Variants in NLRC4 observed in about 807,000 individuals in gnomAD.
NLRC4 encodes the protein NLR family CARD domain containing 4.
Under a neutral mutation model 79.9 loss-of-function variants are expected in NLRC4, and 63 were observed. The ratio of observed to expected loss-of-function variants is 0.79; its 90% confidence interval spans 0.64 to 0.97. The LOEUF is 0.97. NLRC4 is among the 50% of genes least tolerant of loss of function. NLRC4 has a pLI of 0.00. For missense variants in NLRC4, 1,074 were observed against 1,215.2 expected (o/e 0.88, Z 1.73); for synonymous variants, 461 against 456.5 (o/e 1.01, Z -0.12).
chr2:32,245,950 G>A (rs1686925481), intron 4 of NLRC4, among the ~76,000 whole-genome samples: 3 of 152,122 alleles, frequency 2.0e-5, no homozygotes, highest in Admixed American at 6.5e-5. Flanking sequence ...TTGGGAGGCC[G>A]AGGCGGGTGG....
rs1042464976 is a variant in NLRC4 at position 32,258,709 on chromosome 2, C to A, written c.-118-1816G>T. ...TAAAGTGATGTTTTAAGATAAGAAACGGATTTCAATTTCCTGGTATGGTCC... is the reference window on the plus strand; with the variant it reads ...TAAAGTGATGTTTTAAGATAAGAAAAGGATTTCAATTTCCTGGTATGGTCC... On this transcript the variant is annotated intron_variant, in intron 1 of 8. Transcript: ENST00000402280. 2.6e-5 allele frequency among the ~76,000 whole-genome samples: 4 copies of A among 152,138 alleles called. No homozygotes were observed. In the East Asian group the frequency reaches 7.7e-4, roughly 29 times the overall value.
chr2:32,238,749 G>A (rs1274418311), intron 5 of NLRC4, among the ~76,000 whole-genome samples: 1 of 152,036 alleles, frequency 6.6e-6, no homozygotes, highest in Non-Finnish European at 1.5e-5. Context: ...CAAAAGCCTT[G>A]CCTGGACTCA....
intron 8 of NLRC4, among the ~76,000 whole-genome samples, chr2:32,227,371 G>C (rs965452112): frequency 6.6e-6 from 1 of 152,078 alleles, no homozygotes; most frequent in African/African-American, 2.4e-5. Flanking sequence ...ACTTTCCCCT[G>C]CCTTCCACCT....
chr2:32,230,104 T>C (rs1054397525), intron 8 of NLRC4, among the ~76,000 whole-genome samples: 1 of 151,898 alleles, frequency 6.6e-6, no homozygotes, highest in Non-Finnish European at 1.5e-5. Flanking sequence ...GGAGTGAGGG[T>C]GAGGCTGGCA....
chr2:32,265,659 C>T (rs1366909467), upstream of NLRC4: 1 of 152,468 alleles, frequency 6.6e-6, no homozygotes, highest in Non-Finnish European at 1.5e-5. Context: ...GGCAAGGTCA[C>T]ACAGGGCAAA....
At chr2:32,262,833 T>C (rs1057025185) in intron 1 of NLRC4, among the ~76,000 whole-genome samples, 16 of 151,578 alleles carry the variant, frequency 1.1e-4, no homozygotes, top group Non-Finnish European at 1.8e-4. Context: ...AATGTAGCTA[T>C]GGCCCTGCAA....
At chr2:32,257,884 G>T (rs1687245802) in intron 1 of NLRC4, among the ~76,000 whole-genome samples, 1 of 152,102 alleles carries the variant, frequency 6.6e-6, no homozygotes, top group Non-Finnish European at 1.5e-5. Flanking sequence ...AATGTTTACA[G>T]CTCCTGAAGC....
At chr2:32,235,789 C>A (rs115465551) in intron 7 of NLRC4, among the ~76,000 whole-genome samples, 1 of 152,030 alleles carries the variant, frequency 6.6e-6, no homozygotes. Flanking sequence ...TAATAAGACA[C>A]CTTCAAAAAC....
chr2:32,257,592 G>A (rs116138882), intron 1 of NLRC4, among the ~76,000 whole-genome samples: 4,972 of 145,606 alleles, frequency 0.034, 287 homozygotes, highest in African/African-American at 0.12. Context: ...GGCAGACAGA[G>A]CGAGACTCTG....
chr2:32,225,540 T>C (rs1686367664), intron 8 of NLRC4, among the ~76,000 whole-genome samples: 2 of 152,020 alleles, frequency 1.3e-5, no homozygotes, highest in Non-Finnish European at 2.9e-5. Flanking sequence ...TAAGAAAAAA[T>C]ACCTTTCTTT....
intron 3 of NLRC4, 126 bp from the exon 4 acceptor site, chr2:32,251,727 A>T (rs1433824208): frequency 1.5e-6 from 1 of 654,908 alleles, no homozygotes; most frequent in Non-Finnish European, 2.7e-6. Context: ...GTCCTTTCCC[A>T]GTTCTGAGCT....
chr2:32,233,343 ATATATATTTTTTT>A (rs1242116968), intron 8 of NLRC4, among the ~76,000 whole-genome samples: 19 of 54,782 alleles, frequency 3.5e-4, no homozygotes, highest in Middle Eastern at 8.3e-3. Context: ...ATATATATAT[ATATATATTTTTTT>A]TTTTTTTTTT....
At chr2:32,234,502 T>A (rs1686627659) in intron 8 of NLRC4, among the ~76,000 whole-genome samples, 1 of 152,258 alleles carries the variant, frequency 6.6e-6, no homozygotes, top group South Asian at 2.1e-4. Flanking sequence ...TCACAAGTCC[T>A]TGGCTTTAGT....
At chr2:32,233,140 GGAAGGA>G (rs1558446923) in intron 8 of NLRC4, among the ~76,000 whole-genome samples, 24 of 13,130 alleles carry the variant, frequency 1.8e-3, no homozygotes, top group African/African-American at 6.4e-3. Context: ...GAGGGAGGAA[GGAAGGA>G]AGGAAGGAAG....
At position 32,235,793 on chromosome 2, in the gene NLRC4, CA is replaced by C. The variant is rs1208307436; in HGVS notation, c.2615-226del. 6.6e-5 allele frequency among the ~76,000 whole-genome samples: 10 copies of C among 152,248 alleles called. 1 individual carries two copies. In the East Asian group the frequency reaches 1.9e-3, roughly 29 times the overall value. On this transcript the variant is annotated intron_variant, in intron 7 of 8. Coordinates refer to ENST00000402280, the MANE Select transcript of NLRC4 (RefSeq NM_001199138.2). ...ACTATATATACTAATAAGACACCTT[CA>C]AAAACATTAAATCATGGGCAATCTT...
At position 32,244,820 on chromosome 2, in the gene NLRC4, A is replaced by G. The variant is rs535026489; in HGVS notation, c.2258-3695T>C. On this transcript the variant is annotated intron_variant, in intron 4 of 8. Transcript: ENST00000402280. ...TAGAGAGACCTCCTCTCTACAAAAA[A>G]GAAGGAGGAGGAGGAGGAGGAGAGG... Among the ~76,000 whole-genome samples, 9 of 148,230 alleles carry G rather than the reference A, an allele frequency of 6.1e-5. No homozygotes were observed. The East Asian group carries it at 1.9e-3, about 32-fold the overall frequency.
At chr2:32,246,043 G>T (rs1311792569) in intron 4 of NLRC4, among the ~76,000 whole-genome samples, 2 of 152,118 alleles carry the variant, frequency 1.3e-5, no homozygotes, top group African/African-American at 4.8e-5. Flanking sequence ...AATTAGCCAG[G>T]TGTGGTGGTG....
intron 4 of NLRC4, among the ~76,000 whole-genome samples, chr2:32,248,658 T>C (rs921261350): frequency 2.0e-5 from 3 of 150,400 alleles, no homozygotes; most frequent in African/African-American, 7.4e-5. Flanking sequence ...CATCTCCCCA[T>C]AAAAAATCAA....
At chr2:32,244,846 G>A (rs1686891662) in intron 4 of NLRC4, among the ~76,000 whole-genome samples, 2 of 150,770 alleles carry the variant, frequency 1.3e-5, no homozygotes, top group African/African-American at 2.4e-5. Context: ...GGAGGAGAGG[G>A]AGAGAGGGGG....
Sources: gnomAD v4.1 joint callset for allele counts (sites outside exome capture counted in the v4.1 genomes callset) on GRCh38, gnomAD v4.1.1 for gene constraint, MANE v1.5 for transcripts, NCBI Gene and HGNC (gene_info 2026-07-23, HGNC 2026-07-21) for gene names.